Variants in WNK2 observed in about 807,000 individuals in gnomAD.
WNK2 encodes WNK lysine deficient protein kinase 2, also known as serine/threonine-protein kinase WNK2.
Under a neutral mutation model 192.1 loss-of-function variants are expected in WNK2, and 67 were observed. That is an observed-to-expected ratio of 0.35 (90% CI 0.29 to 0.43). WNK2 has a LOEUF of 0.43. Among genes scored for constraint, WNK2 ranks in the 20% least tolerant of loss-of-function variants. WNK2 has a pLI of 1.00. For missense variants in WNK2, 2,698 were observed against 3,089.7 expected, an observed-to-expected ratio of 0.87 and a Z score of 3.01; for synonymous variants, 1,439 against 1,393.9, an observed-to-expected ratio of 1.03 and a Z score of -0.72.
rs1232323564 is a variant in WNK2 at position 93,308,410 on chromosome 9, C to A, written c.6342C>A (p.Ser2114Arg). 8 of 1,598,258 alleles carry A rather than the reference C, an allele frequency of 5.0e-6. No individual in the cohort carries two copies. The highest frequency in any genetic ancestry group is 1.6e-4 in the Middle Eastern group (1 of 6,070). Reference sequence around the variant, plus strand: ...ACGTCCAGGCGCAGGTGAACAACAGCAACAACAAGAAGGGTACCTTCACGG... The same window carrying A: ...ACGTCCAGGCGCAGGTGAACAACAGAAACAACAAGAAGGGTACCTTCACGG... ...ALHVQAQVNN[S>R]NNKKGTFTDD... The change falls in exon 28 of 30, where the codon AGC (serine) becomes AGA (arginine). Residue 2114 changes from serine (S) to arginine (R), a missense_variant. Physicochemically the swap from Ser to Arg is moderately radical, Grantham distance 110. Transcript: ENST00000427277.
At chr9:93,202,754 TC>T (rs112407344) in intron 2 of WNK2, among the ~76,000 whole-genome samples, 1,789 of 152,172 alleles carry the variant, frequency 0.012, 37 homozygotes, top group African/African-American at 0.041. Context: ...TGCTCCTCCC[TC>T]ACTGAAGCCT....
chr9:93,308,836 C>A, intron 28 of WNK2: 1 of 1,382,846 alleles, frequency 7.2e-7, no homozygotes, highest in Non-Finnish European at 9.3e-7. Context: ...GGCTGTGACT[C>A]CACAGCTCAG....
At position 93,293,166 on chromosome 9, in the gene WNK2, C is replaced by T. The variant is rs768429578; in HGVS notation, c.5701C>T (p.Arg1901Trp). 6.0e-5 allele frequency: 91 copies of T among 1,508,424 alleles called. No homozygotes were observed. The highest frequency in any genetic ancestry group is 1.8e-4 in the Middle Eastern group (1 of 5,702). 93.4% of individuals were successfully genotyped at this position (1,508,424 alleles called of 1,614,324 possible). A position where few individuals can be genotyped will look rare whatever the true frequency, so the allele number is the denominator to read the frequency against. ...ADIKKELQSLREKHLKEISEL... is the reference protein window; with the variant it reads ...ADIKKELQSLWEKHLKEISEL... ...CATAAAGAAGGAGCTGCAGAGTCTG[C>T]GGGAGAAGTAGGTCCTGCGGGCAGG... Residue 1901 changes from arginine (R) to tryptophan (W), a missense_variant, in exon 23 of 30, where the codon CGG (arginine) becomes TGG (tryptophan). Physicochemically the swap from Arg to Trp is moderately radical, Grantham distance 101 (BLOSUM62 -3). Around this residue, in one of 7 missense-constraint regions of WNK2, gnomAD observed 1,098 missense variants for 1,101.0 expected, o/e 1.00. Coordinates refer to ENST00000427277, the MANE Select transcript of WNK2 (RefSeq NM_006648.4).
At chr9:93,211,243 CACT>C in intron 2 of WNK2, among the ~76,000 whole-genome samples, 1 of 76,558 alleles carries the variant, frequency 1.3e-5, no homozygotes, top group East Asian at 3.4e-4. Flanking sequence ...CTCACTCATT[CACT>C]CACTCACTCA....
rs2398822 is a variant in WNK2 at position 93,239,191 on chromosome 9, C to T, written c.1323-566C>T. On this transcript the variant is annotated intron_variant, in intron 6 of 29. Coordinates refer to ENST00000427277, the MANE Select transcript of WNK2 (RefSeq NM_006648.4). This position sits in a 1 kb window ranked among gnomAD's most constrained non-coding sequence, Gnocchi z 4.2. ...GGATCCCTGCAAAGAGCCTTCGAGG[C>T]TGGGTCTGGCTGGGGCCCCCCCAGT... Among the ~76,000 whole-genome samples the T allele has an allele frequency of 0.58, 87,888 of 152,042 alleles. 25,869 individuals are homozygous for T. The highest frequency in any genetic ancestry group is 0.64 in the Admixed American group (9,815 of 15,286).
At chr9:93,317,935 G>A (rs745881772) in intron 29 of WNK2, 9 of 1,605,094 alleles carry the variant, frequency 5.6e-6, no homozygotes, top group East Asian at 2.2e-5. Context: ...CCCCCCCACC[G>A]CCTGCTGTGG....
At chr9:93,260,937 C>T (rs1844126653) in intron 12 of WNK2, among the ~76,000 whole-genome samples, 1 of 152,190 alleles carries the variant, frequency 6.6e-6, no homozygotes, top group Non-Finnish European at 1.5e-5. Context: ...TTAGTGGCTA[C>T]AGAGGGGTGC....
intron 2 of WNK2, among the ~76,000 whole-genome samples, chr9:93,193,230 G>A (rs1414192581): frequency 1.3e-5 from 2 of 152,178 alleles, no homozygotes; most frequent in East Asian, 3.8e-4. Flanking sequence ...GGGGTAGGAG[G>A]GCCCTGCCAT....
chr9:93,233,044 A>G (rs2132091719), intron 4 of WNK2, among the ~76,000 whole-genome samples: 1 of 151,874 alleles, frequency 6.6e-6, no homozygotes, highest in South Asian at 2.1e-4. Flanking sequence ...AAGAGAAAGA[A>G]AAAGAAATTG....
chr9:93,306,584 G>T (rs1194750700), intron 26 of WNK2, 193 bp from the exon 27 acceptor site: 13 of 650,768 alleles, frequency 2.0e-5, no homozygotes, highest in Non-Finnish European at 3.3e-5. Context: ...CCTCGGCGAA[G>T]CTCGTGGGAG....
rs2133796656 is a variant in WNK2 at position 93,288,855 on chromosome 9, C to T, written c.4101C>T (p.Leu1367=). Reference sequence around the variant, plus strand: ...CCAGCTTTCTAGCCAGTCAGCAGCTCCTGAGCCAGGCGGGCCCCAGCAACC... The same window carrying T: ...CCAGCTTTCTAGCCAGTCAGCAGCTTCTGAGCCAGGCGGGCCCCAGCAACC... ...EQPSFLASQQ[L]LSQAGPSNPP... Residue 1367 remains leucine (L), a synonymous_variant, in exon 20 of 30, where the codon CTC becomes CTT. Transcript: ENST00000427277. 6.2e-7 allele frequency: 1 copy of T among 1,612,348 alleles called. No homozygotes were observed. Among genetic ancestry groups the T allele is most frequent in the Non-Finnish European group, 8.5e-7 (1 of 1,179,654 alleles).
At chr9:93,264,150 A>T (rs1844798623) in intron 16 of WNK2, 117 bp downstream of exon 16, 1 of 796,234 alleles carries the variant, frequency 1.3e-6, no homozygotes, top group African/African-American at 1.7e-5. Context: ...CGGTTGGCCC[A>T]GGGGCTTTTC....
At chr9:93,213,791 A>G (rs1251164594) in intron 2 of WNK2, among the ~76,000 whole-genome samples, 1 of 141,440 alleles carries the variant, frequency 7.1e-6, no homozygotes, top group African/African-American at 3.2e-5. Flanking sequence ...CTCCATCTCA[A>G]AAACAAAACA....
intron 29 of WNK2, among the ~76,000 whole-genome samples, chr9:93,320,018 C>T (rs895725988): frequency 1.4e-4 from 22 of 152,210 alleles, no homozygotes; most frequent in Non-Finnish European, 2.4e-4. Context: ...TGCCAGCCTT[C>T]GAGCTTCTGC....
intron 12 of WNK2, among the ~76,000 whole-genome samples, chr9:93,260,544 G>T (rs917682660): frequency 6.6e-6 from 1 of 152,134 alleles, no homozygotes; most frequent in Admixed American, 6.5e-5. Context: ...GGGGCCTGGG[G>T]TGGAGCATCC....
intron 2 of WNK2, among the ~76,000 whole-genome samples, chr9:93,207,822 A>G (rs1369581229): frequency 6.6e-6 from 1 of 152,184 alleles, no homozygotes; most frequent in African/African-American, 2.4e-5. Flanking sequence ...ATTGCAAAGA[A>G]TTTGGGAAAT....
chr9:93,258,152 G>A (rs964006028), intron 11 of WNK2, among the ~76,000 whole-genome samples: 3 of 152,158 alleles, frequency 2.0e-5, no homozygotes, highest in African/African-American at 7.2e-5. Context: ...GTGCATTTTT[G>A]CTGCCTCTTG....
At chr9:93,265,970 A>G (rs35795732) in intron 16 of WNK2, among the ~76,000 whole-genome samples, 58,607 of 152,068 alleles carry the variant, frequency 0.39, 13,381 homozygotes, top group Admixed American at 0.51. Context: ...CAGCACTCGG[A>G]TACTCCTCTC....
chr9:93,298,086 G>GT lies in WNK2; in HGVS notation c.5923+19_5923+20insT. ...AGCACAGGTCGGCCTCCGGGTGCAG[G>GT]GCTGGGATGGGAGCGGGGCTGGGGA... On this transcript the variant is annotated intron_variant, in intron 24 of 29. Transcript: ENST00000427277. 6.5e-7 allele frequency: 1 copy of GT among 1,547,602 alleles called. No homozygotes were observed. The highest frequency in any genetic ancestry group is 8.7e-7 in the Non-Finnish European group (1 of 1,146,730).
Sources: allele counts gnomAD v4.1 joint callset (sites outside exome capture counted in the v4.1 genomes callset), GRCh38; gene constraint gnomAD v4.1.1; regional missense constraint gnomAD v4.1.1; non-coding constraint Gnocchi (gnomAD v3.1); transcripts MANE v1.5; gene names NCBI Gene and HGNC (gene_info 2026-07-23, HGNC 2026-07-21).